DPY19L3: variants seen among roughly 807,000 people sequenced by gnomAD.
DPY19L3 encodes the protein protein C-mannosyl-transferase DPY19L3.
DPY19L3 carries 51 observed loss-of-function variants against 92.3 expected under a neutral mutation model. The observed-to-expected ratio is 0.55, with a 90% CI of 0.44 to 0.70. The LOEUF is 0.70. Ranked by LOEUF, DPY19L3 falls within the 30% of genes least tolerant of loss-of-function variation. The pLI, the probability that DPY19L3 is intolerant of heterozygous loss-of-function variation, is 0.00. For synonymous variants in DPY19L3, 309 were observed against 315.2 expected, an observed-to-expected ratio of 0.98 and a Z score of 0.21; for missense variants, 706 against 855.9, an observed-to-expected ratio of 0.82 and a Z score of 2.18.
Position 32,482,201 on chromosome 19 carries a change from C to CAA in DPY19L3, c.2115_2116dup (p.Thr706LysfsTer34). 1 of 1,613,668 alleles carries CAA rather than the reference C, an allele frequency of 6.2e-7. No homozygotes were observed. The highest frequency in any genetic ancestry group is 8.5e-7 in the Non-Finnish European group (1 of 1,179,800). ...CCTACTTCACCAGAGTGTTCCAGAA[C>CAA]AAAACCTTCCACGTTTACAAGCTGT... On this transcript the variant is annotated frameshift_variant, in exon 19 of 19. Transcript: ENST00000392250. LOFTEE classifies it high-confidence loss of function.
At chr19:32,417,783 A>G (rs994045383) in intron 3 of DPY19L3, among the ~76,000 whole-genome samples, 3 of 152,168 alleles carry the variant, frequency 2.0e-5, no homozygotes, top group African/African-American at 7.2e-5. Flanking sequence ...TAAATTACCC[A>G]GTCTTGGGTA....
At chr19:32,451,288 A>G (rs1220951691) in intron 8 of DPY19L3, among the ~76,000 whole-genome samples, 2 of 152,266 alleles carry the variant, frequency 1.3e-5, no homozygotes. Context: ...ATGAAATACT[A>G]TATACTGCTG....
chr19:32,462,772 A>G (rs1970079731), intron 12 of DPY19L3, among the ~76,000 whole-genome samples: 1 of 152,250 alleles, frequency 6.6e-6, no homozygotes, highest in South Asian at 2.1e-4. Context: ...AACCTGAAAA[A>G]AGCAATTGAT....
chr19:32,462,172 G>T (rs1445283307), intron 12 of DPY19L3, among the ~76,000 whole-genome samples: 1 of 152,078 alleles, frequency 6.6e-6, no homozygotes, highest in Non-Finnish European at 1.5e-5. Context: ...AGGGCTGTTT[G>T]AACACAAACA....
chr19:32,428,291 C>T (rs1041496435), intron 3 of DPY19L3, among the ~76,000 whole-genome samples: 2 of 151,756 alleles, frequency 1.3e-5, no homozygotes, highest in Admixed American at 6.6e-5. Context: ...AACTTTTTTA[C>T]GTGAGTTGTT....
At chr19:32,458,670 A>G (rs1969945233) in intron 12 of DPY19L3, among the ~76,000 whole-genome samples, 161 bp downstream of exon 12, 1 of 152,202 alleles carries the variant, frequency 6.6e-6, no homozygotes, top group Non-Finnish European at 1.5e-5. Flanking sequence ...CCCAGTAGTT[A>G]GGAGACAACA....
chr19:32,445,439 T>TAAAAAAAAAAAAA (rs1969461359), intron 8 of DPY19L3, among the ~76,000 whole-genome samples: 1 of 2,176 alleles, frequency 4.6e-4, no homozygotes, highest in Admixed American at 4.9e-3. Flanking sequence ...AGACTTCATC[T>TAAAAAAAAAAAAA]CAAAAAAAAA....
At position 32,463,956 on chromosome 19, in the gene DPY19L3, A is replaced by C. The variant is rs1970123601; in HGVS notation, c.1533A>C (p.Ser511=). The part of the protein sequence containing the change: ...SPEIWELLLK[S]VHLYNPKRIC... ...AAATATGGGAGTTACTTCTGAAGTC[A>C]GTCCATCTTTATAACCCAAAGAGGG... is the stretch of plus-strand genomic sequence containing the variant. Residue 511 remains serine, a synonymous_variant, in exon 14 of 19, where the codon TCA becomes TCC. Coordinates refer to ENST00000392250, the MANE Select transcript of DPY19L3 (RefSeq NM_001172774.2). The C allele has an allele frequency of 6.2e-7, 1 of 1,612,690 alleles. No individual in the cohort carries two copies.
chr19:32,457,510 T>C (rs554358791), intron 10 of DPY19L3, among the ~76,000 whole-genome samples: 51 of 152,238 alleles, frequency 3.4e-4, no homozygotes, highest in Non-Finnish European at 6.6e-4. Context: ...ATAAATTTTT[T>C]CACCATTTAT....
At chr19:32,466,319 C>T (rs766908219) in intron 15 of DPY19L3, among the ~76,000 whole-genome samples, 4 of 152,170 alleles carry the variant, frequency 2.6e-5, no homozygotes, top group East Asian at 1.9e-4. Flanking sequence ...CCAGACCTAC[C>T]GAATCAGAAG....
intron 8 of DPY19L3, among the ~76,000 whole-genome samples, chr19:32,451,325 A>G (rs1969692805): frequency 6.6e-6 from 1 of 152,196 alleles, no homozygotes; most frequent in Non-Finnish European, 1.5e-5. Flanking sequence ...TCTTTAGGTA[A>G]TGGTGCTGGG....
At chr19:32,408,078 G>C (rs1968041603) in intron 1 of DPY19L3, 139 bp from the exon 2 acceptor site, 1 of 592,288 alleles carries the variant, frequency 1.7e-6, no homozygotes, top group South Asian at 2.1e-5. Context: ...GTGAGACCCT[G>C]TCTTGGGGGG....
chr19:32,471,675 G>A (rs138104513), intron 16 of DPY19L3, among the ~76,000 whole-genome samples: 14 of 152,278 alleles, frequency 9.2e-5, no homozygotes, highest in African/African-American at 3.4e-4. Flanking sequence ...GCTTCCGCTT[G>A]GAGATTCAGG....
intron 16 of DPY19L3, among the ~76,000 whole-genome samples, chr19:32,471,986 T>G (rs76855679): frequency 6.6e-6 from 1 of 152,140 alleles, no homozygotes; most frequent in Non-Finnish European, 1.5e-5. Context: ...GGGCACCGTG[T>G]GAAGTGTGTG....
intron 17 of DPY19L3, among the ~76,000 whole-genome samples, chr19:32,477,942 A>G (rs967514529): frequency 6.6e-6 from 1 of 152,190 alleles, no homozygotes; most frequent in Non-Finnish European, 1.5e-5. Flanking sequence ...GCAAGCAAAA[A>G]GAGAGCTTGT....
intron 16 of DPY19L3, among the ~76,000 whole-genome samples, chr19:32,473,867 G>C (rs1343675801): frequency 1.3e-5 from 2 of 152,174 alleles, no homozygotes; most frequent in Admixed American, 1.3e-4. Context: ...GCAGTGGCGT[G>C]ATCTCGGCTC....
intron 7 of DPY19L3, 149 bp from the exon 8 acceptor site, chr19:32,439,627 T>C: frequency 1.3e-6 from 1 of 751,850 alleles, no homozygotes; most frequent in South Asian, 1.9e-5. Flanking sequence ...TAGTTAGAGC[T>C]TAAATAACAA....
At position 32,483,410 on chromosome 19, in the gene DPY19L3, C is replaced by T. The variant is rs1485172587; in HGVS notation, c.*1170C>T. The T allele has an allele frequency of 6.6e-6, 1 of 152,570 alleles. No homozygotes were observed. Among genetic ancestry groups the T allele is most frequent in the South Asian group, 2.1e-4 (1 of 4,836 alleles). The allele number at this position is 152,570 out of a possible 1,614,324, so 9.5% of individuals were successfully genotyped here. A position where few individuals can be genotyped will look rare whatever the true frequency, so the allele number is the denominator to read the frequency against. On this transcript the variant is annotated 3_prime_UTR_variant, in exon 19 of 19. Transcript: ENST00000392250. Reference sequence around the variant, plus strand: ...TGATAATCGCTTATATAATTAATTTCTAATGATGAGGACATGTAAAAGTTG... The same window carrying T: ...TGATAATCGCTTATATAATTAATTTTTAATGATGAGGACATGTAAAAGTTG...
chr19:32,480,119 C>T (rs1268122991), intron 17 of DPY19L3, among the ~76,000 whole-genome samples: 1 of 152,196 alleles, frequency 6.6e-6, no homozygotes, highest in Non-Finnish European at 1.5e-5. Flanking sequence ...GAATTGGTGC[C>T]TACTGATGAA....
Sources: gnomAD v4.1 joint callset for allele counts (sites outside exome capture counted in the v4.1 genomes callset) on GRCh38, gnomAD v4.1.1 for gene constraint, MANE v1.5 for transcripts, NCBI Gene and HGNC (gene_info 2026-07-23, HGNC 2026-07-21) for gene names.